Variants in WWC2 observed in about 807,000 individuals in gnomAD.
The protein encoded by WWC2 is protein WWC2.
In WWC2, 101 loss-of-function variants were observed where a neutral mutation model predicts 138.5. That is an observed-to-expected ratio of 0.73 (90% confidence interval 0.62 to 0.86). The LOEUF (loss-of-function observed/expected upper bound fraction) is 0.86. Ranked by LOEUF, WWC2 falls within the 40% of genes least tolerant of loss-of-function variation. The pLI, the probability that WWC2 is intolerant of heterozygous loss-of-function variation, is 0.00. For synonymous variants in WWC2, 558 were observed against 538.4 expected (o/e 1.04, Z -0.50); for missense variants, 1,420 against 1,419.4 (o/e 1.00, Z -0.01).
chr4:183,125,483 A>C (rs1732730851), intron 1 of WWC2, among the ~76,000 whole-genome samples: 1 of 152,182 alleles, frequency 6.6e-6, no homozygotes, highest in Non-Finnish European at 1.5e-5. Flanking sequence ...GCTTCAATTA[A>C]ATGTTTGTTT....
At chr4:183,116,473 C>T (rs2152888826) in intron 1 of WWC2, among the ~76,000 whole-genome samples, 1 of 152,318 alleles carries the variant, frequency 6.6e-6, no homozygotes, top group Admixed American at 6.5e-5. Flanking sequence ...GTTTAAGTGA[C>T]TTGTCTAAGG....
At chr4:183,219,297 C>T (rs1735853792) in intron 4 of WWC2, among the ~76,000 whole-genome samples, 1 of 151,990 alleles carries the variant, frequency 6.6e-6, no homozygotes, top group Non-Finnish European at 1.5e-5. Flanking sequence ...TGATTGTATA[C>T]TTAAATGGTA....
In WWC2 at chr4:183,099,399, C is replaced by T; in HGVS notation, c.-93C>T. 1 of 1,156,264 alleles carries T rather than the reference C, an allele frequency of 8.6e-7. No individual in the cohort carries two copies. The highest frequency in any genetic ancestry group is 1.1e-6 in the Non-Finnish European group (1 of 934,652). The allele number at this position is 1,156,264 out of a possible 1,614,324, so 71.6% of individuals were successfully genotyped here. On this transcript the variant is annotated 5_prime_UTR_variant, in exon 1 of 23. Coordinates refer to ENST00000403733, the MANE Select transcript of WWC2 (RefSeq NM_024949.6). ...CTCAGCCCCTCGCCGGCGCCCGCGT[C>T]GCGGGTTGGCAGCCTAGCCCGGCAG... is the stretch of plus-strand genomic sequence containing the variant.
At chr4:183,148,581 A>G (rs150573168) in intron 1 of WWC2, among the ~76,000 whole-genome samples, 84 of 152,298 alleles carry the variant, frequency 5.5e-4, no homozygotes, top group African/African-American at 1.9e-3. Context: ...GTGGCACTAT[A>G]TAAATGACAT....
At chr4:183,272,715 T>C (rs1345407340) in intron 16 of WWC2, among the ~76,000 whole-genome samples, 1 of 152,218 alleles carries the variant, frequency 6.6e-6, no homozygotes, top group Non-Finnish European at 1.5e-5. Flanking sequence ...AATACAATAT[T>C]TGTTCTTTTG....
intron 1 of WWC2, among the ~76,000 whole-genome samples, chr4:183,161,500 CTG>C (rs1323578463): frequency 6.6e-6 from 1 of 152,174 alleles, no homozygotes; most frequent in Admixed American, 6.6e-5. Context: ...GTTTACCACA[CTG>C]TGCAAATAAC....
chr4:183,147,125 C>T (rs1733484275), intron 1 of WWC2, among the ~76,000 whole-genome samples: 1 of 152,194 alleles, frequency 6.6e-6, no homozygotes, highest in Non-Finnish European at 1.5e-5. Flanking sequence ...TCTGTGTTTA[C>T]ACTGTATCAC....
chr4:183,134,146 C>CTT (rs149597431), intron 1 of WWC2, among the ~76,000 whole-genome samples: 1 of 151,434 alleles, frequency 6.6e-6, no homozygotes, highest in Admixed American at 6.6e-5. Flanking sequence ...GTCTCTCTTG[C>CTT]TTTTTTTTGT....
chr4:183,099,769 G>A (rs1426123121), intron 1 of WWC2, 147 bp downstream of exon 1: 5 of 841,348 alleles, frequency 5.9e-6, no homozygotes, highest in African/African-American at 1.8e-5. Context: ...CTCCGGCGGG[G>A]CCGAGGAGCC....
At chr4:183,251,398 CT>C (rs1736979505) in intron 8 of WWC2, among the ~76,000 whole-genome samples, 2 of 152,208 alleles carry the variant, frequency 1.3e-5, no homozygotes, top group South Asian at 4.1e-4. Context: ...AGAACTGGGC[CT>C]TAAGCCCCTG....
intron 5 of WWC2, among the ~76,000 whole-genome samples, chr4:183,243,646 G>A (rs1218534799): frequency 6.6e-6 from 1 of 151,832 alleles, no homozygotes; most frequent in African/African-American, 2.4e-5. Context: ...TGCAATTTGG[G>A]GTATAAATTT....
At chr4:183,208,888 T>C in intron 3 of WWC2, 61 bp from the exon 4 acceptor site, 1 of 1,183,952 alleles carries the variant, frequency 8.4e-7, no homozygotes, top group Non-Finnish European at 1.2e-6. Context: ...CAGTAAATTC[T>C]AAGCTGAGAA....
At chr4:183,206,374 C>A (rs888884615) in intron 2 of WWC2, among the ~76,000 whole-genome samples, 3 of 151,622 alleles carry the variant, frequency 2.0e-5, no homozygotes, top group Non-Finnish European at 4.4e-5. Flanking sequence ...AAATTATCCC[C>A]TGTTTGTGTT....
intron 1 of WWC2, among the ~76,000 whole-genome samples, chr4:183,175,543 G>T (rs905707721): frequency 5.9e-5 from 9 of 152,158 alleles, no homozygotes; most frequent in Non-Finnish European, 1.3e-4. Flanking sequence ...GATTACAGGC[G>T]TGAGCCACCG....
At chr4:183,197,256 T>C (rs1735170144) in intron 2 of WWC2, among the ~76,000 whole-genome samples, 1 of 152,212 alleles carries the variant, frequency 6.6e-6, no homozygotes, top group South Asian at 2.1e-4. Context: ...TGATCTGTTG[T>C]ACCCAAATGA....
intron 22 of WWC2, 62 bp from the exon 23 acceptor site, chr4:183,315,601 A>C: frequency 7.3e-7 from 1 of 1,371,912 alleles, no homozygotes. Flanking sequence ...GGACTGTTTT[A>C]ATGGTCCCAG....
intron 4 of WWC2, among the ~76,000 whole-genome samples, chr4:183,237,543 C>G (rs1580092073): frequency 6.6e-6 from 1 of 152,238 alleles, no homozygotes; most frequent in South Asian, 2.1e-4. Context: ...AGGAGTTCCA[C>G]CCTCATCCCC....
chr4:183,132,056 C>A (rs1259654981), intron 1 of WWC2, among the ~76,000 whole-genome samples: 1 of 152,024 alleles, frequency 6.6e-6, no homozygotes, highest in Non-Finnish European at 1.5e-5. Context: ...TTATTTATTT[C>A]TTTTGCCAAT....
intron 1 of WWC2, among the ~76,000 whole-genome samples, chr4:183,110,742 G>C (rs891951200): frequency 3.3e-5 from 5 of 152,148 alleles, no homozygotes; most frequent in African/African-American, 1.2e-4. Context: ...AACTAAGTAA[G>C]TGTCCCTGGT....
Sources: gnomAD v4.1 joint callset for allele counts (sites outside exome capture counted in the v4.1 genomes callset) on GRCh38, gnomAD v4.1.1 for gene constraint, MANE v1.5 for transcripts, NCBI Gene and HGNC (gene_info 2026-07-23, HGNC 2026-07-21) for gene names.